Variants in EXOC6B observed in about 807,000 individuals in gnomAD.
The protein encoded by EXOC6B is exocyst complex component 6B, also known as SEC15 homolog B.
A neutral mutation model predicts 113.5 loss-of-function variants in EXOC6B; 54 were observed. The observed-to-expected ratio is 0.48, with a 90% CI of 0.38 to 0.60. The LOEUF (loss-of-function observed/expected upper bound fraction) is 0.60. Among genes scored for constraint, EXOC6B ranks in the 20% least tolerant of loss-of-function variants. The pLI, the probability that EXOC6B is intolerant of heterozygous loss-of-function variation, is 0.00. For missense variants in EXOC6B, 797 were observed against 977.5 expected (o/e 0.82, Z 2.46); for synonymous variants, 357 against 339.0 (o/e 1.05, Z -0.58).
chr2:72,687,405 G>A (rs1432367216), intron 6 of EXOC6B, among the ~76,000 whole-genome samples: 1 of 151,886 alleles, frequency 6.6e-6, no homozygotes, highest in Non-Finnish European at 1.5e-5. Flanking sequence ...AGTTAAAGAT[G>A]GCCAATCAAA....
In EXOC6B at chr2:72,203,705, T is replaced by C. The variant is rs570757640; in HGVS notation, c.2197-19518A>G. On this transcript the variant is annotated intron_variant, in intron 20 of 21. Transcript: ENST00000272427. ...TAAGCAATTATTCCTGCTCCTGATA[T>C]TGGAGAATGAATTGTATTCCCACAT... Among the ~76,000 whole-genome samples the C allele has an allele frequency of 5.2e-4, 79 of 152,296 alleles. 1 individual carries two copies. The highest frequency in any genetic ancestry group is 1.6e-3 in the African/African-American group (68 of 41,572).
intron 18 of EXOC6B, among the ~76,000 whole-genome samples, chr2:72,455,536 G>C (rs1419769506): frequency 6.6e-6 from 1 of 152,126 alleles, no homozygotes; most frequent in Non-Finnish European, 1.5e-5. Context: ...ATATAGCCTA[G>C]TGGGAAGGAA....
chr2:72,426,646 C>A (rs773132451), intron 18 of EXOC6B, among the ~76,000 whole-genome samples: 1 of 152,152 alleles, frequency 6.6e-6, no homozygotes, highest in Non-Finnish European at 1.5e-5. Context: ...CAAAGCGATC[C>A]TCTGTCAGAC....
At chr2:72,331,366 C>T (rs982811912) in intron 20 of EXOC6B, among the ~76,000 whole-genome samples, 3 of 151,890 alleles carry the variant, frequency 2.0e-5, no homozygotes, top group African/African-American at 7.3e-5. Flanking sequence ...AATGTTTAAC[C>T]ATGGAAGAAA....
At chr2:72,298,307 C>A (rs1041520396) in intron 20 of EXOC6B, among the ~76,000 whole-genome samples, 2 of 151,876 alleles carry the variant, frequency 1.3e-5, no homozygotes, top group African/African-American at 4.8e-5. Flanking sequence ...GATTGCAACC[C>A]CTGCTTTTTT....
At chr2:72,572,886 A>G (rs915711350) in intron 7 of EXOC6B, among the ~76,000 whole-genome samples, 3 of 152,246 alleles carry the variant, frequency 2.0e-5, no homozygotes, top group African/African-American at 7.2e-5. Context: ...ATGCCATTAG[A>G]TGACAGTGAA....
chr2:72,414,672 G>A (rs1694410420), intron 18 of EXOC6B, among the ~76,000 whole-genome samples: 1 of 152,016 alleles, frequency 6.6e-6, no homozygotes, highest in Non-Finnish European at 1.5e-5. Flanking sequence ...GTCATTTTTT[G>A]GTGCCAACTT....
intron 6 of EXOC6B, among the ~76,000 whole-genome samples, chr2:72,684,590 A>G (rs1215025996): frequency 6.6e-6 from 1 of 152,230 alleles, no homozygotes; most frequent in Non-Finnish European, 1.5e-5. Context: ...CAATAGGACA[A>G]TGAATCAATT....
At chr2:72,422,259 G>A (rs569823492) in intron 18 of EXOC6B, among the ~76,000 whole-genome samples, 193 of 152,330 alleles carry the variant, frequency 1.3e-3, no homozygotes, top group African/African-American at 4.2e-3. Flanking sequence ...GCCCCAGTGC[G>A]GGATCCACTA....
chr2:72,385,590 G>T (rs537783842), intron 18 of EXOC6B, among the ~76,000 whole-genome samples: 7 of 151,496 alleles, frequency 4.6e-5, no homozygotes, highest in African/African-American at 1.7e-4. Flanking sequence ...ACAGAATGGG[G>T]GAATATACTT....
At chr2:72,798,326 A>C (rs1685086305) in intron 1 of EXOC6B, among the ~76,000 whole-genome samples, 1 of 152,118 alleles carries the variant, frequency 6.6e-6, no homozygotes, top group South Asian at 2.1e-4. Flanking sequence ...AGCTACATTT[A>C]TCACAAACTC....
At position 72,267,163 on chromosome 2, in the gene EXOC6B, C is replaced by T. The variant is rs970257298; in HGVS notation, c.2196+67784G>A. 1.3e-3 allele frequency among the ~76,000 whole-genome samples: 201 copies of T among 152,274 alleles called. 1 individual carries two copies. Among genetic ancestry groups the T allele is most frequent in the Non-Finnish European group, 2.0e-3 (136 of 68,026 alleles). ...AGCTTAAGGAGATTTTGGGCTGAGA[C>T]GATGCGGTTTTCTAGATATACAATC... On this transcript the variant is annotated intron_variant, in intron 20 of 21. Transcript: ENST00000272427.
intron 1 of EXOC6B, among the ~76,000 whole-genome samples, chr2:72,744,259 A>C (rs1256172039): frequency 3.9e-5 from 6 of 152,214 alleles, no homozygotes; most frequent in Non-Finnish European, 8.8e-5. Context: ...TCTGCTAAGC[A>C]ACATATGACT....
At chr2:72,468,073 T>C (rs1321656299) in intron 17 of EXOC6B, among the ~76,000 whole-genome samples, 5 of 152,202 alleles carry the variant, frequency 3.3e-5, no homozygotes, top group African/African-American at 9.6e-5. Flanking sequence ...GCTCTGCCTG[T>C]TCTGCCATTT....
intron 16 of EXOC6B, among the ~76,000 whole-genome samples, chr2:72,488,488 T>A (rs186769902): frequency 6.6e-6 from 1 of 152,242 alleles, no homozygotes; most frequent in Admixed American, 6.5e-5. Flanking sequence ...AACCTATATG[T>A]CTAATAAACA....
chr2:72,387,674 T>C (rs1692122357), intron 18 of EXOC6B, among the ~76,000 whole-genome samples: 1 of 152,180 alleles, frequency 6.6e-6, no homozygotes, highest in Non-Finnish European at 1.5e-5. Flanking sequence ...ATTTAGTCTC[T>C]GTAGTTTCTG....
intron 8 of EXOC6B, among the ~76,000 whole-genome samples, chr2:72,516,074 T>G (rs1701199009): frequency 1.3e-5 from 2 of 152,106 alleles, no homozygotes; most frequent in Non-Finnish European, 2.9e-5. Flanking sequence ...AAAATGGCCC[T>G]TATCATGCCT....
At chr2:72,754,183 A>G (rs1173008368) in intron 1 of EXOC6B, among the ~76,000 whole-genome samples, 1 of 151,906 alleles carries the variant, frequency 6.6e-6, no homozygotes, top group African/African-American at 2.4e-5. Context: ...CACCATGCCC[A>G]GCTCAGAAGC....
intron 6 of EXOC6B, among the ~76,000 whole-genome samples, chr2:72,674,940 AATAC>A (rs1192543007): frequency 6.6e-6 from 1 of 152,266 alleles, no homozygotes; most frequent in Non-Finnish European, 1.5e-5. Flanking sequence ...AATGCACAAT[AATAC>A]ATGTGTGTAA....
Sources: gnomAD v4.1 joint callset for allele counts (sites outside exome capture counted in the v4.1 genomes callset) on GRCh38, gnomAD v4.1.1 for gene constraint, MANE v1.5 for transcripts, NCBI Gene and HGNC (gene_info 2026-07-23, HGNC 2026-07-21) for gene names.